Variants in PRKCB observed in about 807,000 individuals in gnomAD.
PRKCB encodes the protein protein kinase C beta type.
In PRKCB, 13 loss-of-function variants were observed where a neutral mutation model predicts 81.5. The observed-to-expected ratio is 0.16, with a 90% CI of 0.10 to 0.25. The LOEUF is 0.25. PRKCB is among the 10% of genes least tolerant of loss of function. The pLI is 1.00. For missense variants in PRKCB, 509 were observed against 875.7 expected, an observed-to-expected ratio of 0.58 and a Z score of 5.29; for synonymous variants, 335 against 321.4, an observed-to-expected ratio of 1.04 and a Z score of -0.45.
intron 2 of PRKCB, among the ~76,000 whole-genome samples, chr16:23,883,454 G>A (rs1179679535): frequency 2.6e-5 from 4 of 152,198 alleles, no homozygotes; most frequent in African/African-American, 9.7e-5. Context: ...CCCACAGGAT[G>A]AGCCTCTGTG....
intron 2 of PRKCB, among the ~76,000 whole-genome samples, chr16:23,844,548 CCAGGCTGG>C (rs1247022787): frequency 1.3e-5 from 2 of 152,158 alleles, no homozygotes; most frequent in African/African-American, 4.8e-5. Flanking sequence ...GCTCTGTCGC[CCAGGCTGG>C]AGTGCAGTGG....
chr16:23,881,490 G>A (rs762796531), intron 2 of PRKCB, among the ~76,000 whole-genome samples: 17 of 152,060 alleles, frequency 1.1e-4, no homozygotes, highest in Non-Finnish European at 1.8e-4. Context: ...AGCCTCAAGT[G>A]ATCCACTCAC....
At chr16:24,163,087 G>A (rs889107417) in intron 10 of PRKCB, among the ~76,000 whole-genome samples, 23 of 152,178 alleles carry the variant, frequency 1.5e-4, no homozygotes, top group African/African-American at 5.5e-4. Context: ...ATAGTCCTGG[G>A]AAAGAGAATC....
chr16:23,990,531 C>T lies in PRKCB; in HGVS notation c.288+1941C>T, dbSNP rs189522503. Among the ~76,000 whole-genome samples, 352 of 146,626 alleles carry T rather than the reference C, an allele frequency of 2.4e-3. 2 individuals are homozygous for T. Among genetic ancestry groups the T allele is most frequent in the Non-Finnish European group, 3.4e-3 (223 of 66,474 alleles). On this transcript the variant is annotated intron_variant, in intron 3 of 16. Coordinates refer to ENST00000643927, the MANE Select transcript of PRKCB (RefSeq NM_002738.7). Reference sequence around the variant, plus strand: ...TTAAGCAAAGTCTTACTCTTTGAAGCCTTCTCTTTTATTTTTGTTTTTTTC... The same window carrying T: ...TTAAGCAAAGTCTTACTCTTTGAAGTCTTCTCTTTTATTTTTGTTTTTTTC...
In PRKCB at chr16:24,110,305, G is replaced by A. The variant is rs527321316; in HGVS notation, c.822-2668G>A. ...CGGTTCACTGCAACCTCTGCCTCCC[G>A]GGTTCAAGCGATTCTCCTGTCTCAG... On this transcript the variant is annotated intron_variant, in intron 7 of 16. Coordinates refer to ENST00000643927, the MANE Select transcript of PRKCB (RefSeq NM_002738.7). Among the ~76,000 whole-genome samples, 80 of 151,500 alleles carry A rather than the reference G, an allele frequency of 5.3e-4. 1 individual carries two copies. The South Asian group carries it at 0.016, about 29-fold the overall frequency.
At chr16:24,075,136 T>A (rs978640344) in intron 5 of PRKCB, among the ~76,000 whole-genome samples, 13 of 149,310 alleles carry the variant, frequency 8.7e-5, no homozygotes, top group East Asian at 1.9e-4. Flanking sequence ...AAAAAAAAAA[T>A]TTAATTAAAG....
At chr16:23,993,344 G>T (rs1001720041) in intron 3 of PRKCB, among the ~76,000 whole-genome samples, 10 of 152,124 alleles carry the variant, frequency 6.6e-5, no homozygotes, top group Admixed American at 1.3e-4. Context: ...GTTAGGAAGG[G>T]CTCTAACAGT....
At chr16:24,036,760 G>A (rs957261181) in intron 5 of PRKCB, among the ~76,000 whole-genome samples, 2 of 152,100 alleles carry the variant, frequency 1.3e-5, no homozygotes, top group Admixed American at 1.3e-4. Flanking sequence ...GGGGCCCCAG[G>A]GGAAATCCCG....
chr16:24,080,023 A>G (rs1966229255), intron 5 of PRKCB, among the ~76,000 whole-genome samples: 1 of 152,200 alleles, frequency 6.6e-6, no homozygotes. Flanking sequence ...AGTGAATCAT[A>G]TTATTAATAG....
chr16:23,879,021 C>CA (rs1316637008), intron 2 of PRKCB, among the ~76,000 whole-genome samples: 2 of 151,904 alleles, frequency 1.3e-5, no homozygotes, highest in African/African-American at 4.8e-5. Context: ...ACTAAAAATA[C>CA]AAAAAAATCA....
At chr16:23,865,527 G>T (rs1962772357) in intron 2 of PRKCB, among the ~76,000 whole-genome samples, 1 of 1,762 alleles carries the variant, frequency 5.7e-4, no homozygotes, top group African/African-American at 5.0e-3. Flanking sequence ...ATGTGTGTGT[G>T]TGTGTGTGTG....
chr16:23,996,990 A>G (rs1036217887), intron 3 of PRKCB, among the ~76,000 whole-genome samples: 9 of 152,152 alleles, frequency 5.9e-5, no homozygotes, highest in Admixed American at 3.9e-4. Flanking sequence ...ACCACTCATT[A>G]TTACCCCTAG....
intron 3 of PRKCB, among the ~76,000 whole-genome samples, chr16:24,006,264 C>G (rs912441726): frequency 1.3e-5 from 2 of 152,216 alleles, no homozygotes; most frequent in South Asian, 2.1e-4. Flanking sequence ...GGATTGGCCT[C>G]TCTAGCTCAG....
chr16:23,898,357 G>A (rs946913054), intron 2 of PRKCB, among the ~76,000 whole-genome samples: 6 of 152,034 alleles, frequency 3.9e-5, no homozygotes, highest in East Asian at 1.9e-4. Context: ...GTGAGCCACC[G>A]CACTGGACCC....
At chr16:23,837,864 C>T (rs1026742637) in intron 2 of PRKCB, among the ~76,000 whole-genome samples, 11 of 152,190 alleles carry the variant, frequency 7.2e-5, no homozygotes, top group African/African-American at 2.4e-4. Flanking sequence ...ATGGTGCATC[C>T]CCTAGAAAGG....
intron 2 of PRKCB, among the ~76,000 whole-genome samples, chr16:23,921,469 A>G (rs887776833): frequency 4.1e-4 from 62 of 152,284 alleles, no homozygotes; most frequent in African/African-American, 1.5e-3. Context: ...GTTATAAACT[A>G]TTATAGAAAA....
intron 2 of PRKCB, among the ~76,000 whole-genome samples, chr16:23,941,846 A>C (rs973371125): frequency 6.6e-6 from 1 of 152,322 alleles, no homozygotes; most frequent in African/African-American, 2.4e-5. Context: ...TAAATGAAAG[A>C]TGGTTGATAG....
At chr16:23,867,827 G>A (rs1346762525) in intron 2 of PRKCB, among the ~76,000 whole-genome samples, 2 of 152,140 alleles carry the variant, frequency 1.3e-5, no homozygotes, top group African/African-American at 4.8e-5. Flanking sequence ...TGAGCCACAG[G>A]GAGATTATTA....
At chr16:23,845,201 G>A (rs960990815) in intron 2 of PRKCB, among the ~76,000 whole-genome samples, 1 of 152,134 alleles carries the variant, frequency 6.6e-6, no homozygotes, top group African/African-American at 2.4e-5. Flanking sequence ...CTGTTGTCAT[G>A]GAGCTTATGA....
Sources: gnomAD v4.1 joint callset for allele counts (sites outside exome capture counted in the v4.1 genomes callset) on GRCh38, gnomAD v4.1.1 for gene constraint, MANE v1.5 for transcripts, NCBI Gene and HGNC (gene_info 2026-07-23, HGNC 2026-07-21) for gene names.